Variants in SDCCAG8 observed in about 807,000 individuals in gnomAD.
SDCCAG8 encodes SHH signaling and ciliogenesis regulator SDCCAG8.
A neutral mutation model predicts 101.8 loss-of-function variants in SDCCAG8; 74 were observed. The ratio of observed to expected loss-of-function variants is 0.73; its 90% CI spans 0.60 to 0.88. The LOEUF is 0.88. SDCCAG8 is among the 40% of genes least tolerant of loss of function. The pLI, the probability that SDCCAG8 is intolerant of heterozygous loss-of-function variation, is 0.00. For missense variants in SDCCAG8, 787 were observed against 822.6 expected, an observed-to-expected ratio of 0.96 and a Z score of 0.53; for synonymous variants, 281 against 292.9, an observed-to-expected ratio of 0.96 and a Z score of 0.41.
intron 16 of SDCCAG8, among the ~76,000 whole-genome samples, chr1:243,452,590 T>C (rs1367624222): frequency 6.6e-6 from 1 of 151,504 alleles, no homozygotes; most frequent in Non-Finnish European, 1.5e-5. Context: ...CACCTGGCTA[T>C]ATATATATGT....
chr1:243,492,774 A>C (rs573680359), intron 17 of SDCCAG8, among the ~76,000 whole-genome samples: 49 of 148,444 alleles, frequency 3.3e-4, no homozygotes, highest in Non-Finnish European at 4.0e-4. Context: ...CGCCTGGCTA[A>C]TTTTGTATTT....
At chr1:243,358,599 A>C (rs1245958961) in intron 12 of SDCCAG8, among the ~76,000 whole-genome samples, 1 of 152,210 alleles carries the variant, frequency 6.6e-6, no homozygotes, top group East Asian at 1.9e-4. Flanking sequence ...CAGCAATTCC[A>C]GTCCTGGGTC....
At chr1:243,498,428 G>A (rs866964964) in intron 17 of SDCCAG8, among the ~76,000 whole-genome samples, 1 of 152,166 alleles carries the variant, frequency 6.6e-6, no homozygotes, top group African/African-American at 2.4e-5. Context: ...TGGGAGGGCT[G>A]TGTGCATGGG....
chr1:243,384,437 G>T (rs1375150518), intron 13 of SDCCAG8, among the ~76,000 whole-genome samples: 1 of 152,100 alleles, frequency 6.6e-6, no homozygotes, highest in African/African-American at 2.4e-5. Context: ...ACTATATTAT[G>T]ATTTTGTAAT....
chr1:243,388,071 G>A (rs755127760), intron 13 of SDCCAG8, among the ~76,000 whole-genome samples: 2 of 152,108 alleles, frequency 1.3e-5, no homozygotes, highest in Non-Finnish European at 2.9e-5. Context: ...CTATCCATAC[G>A]AGTCAGGACT....
chr1:243,415,649 G>C (rs2080523223), intron 13 of SDCCAG8, 53 bp from the exon 14 acceptor site: 2 of 1,612,564 alleles, frequency 1.2e-6, no homozygotes, highest in East Asian at 4.5e-5. Flanking sequence ...GACATGATGG[G>C]GGTTTGTGCA....
At chr1:243,305,541 A>G (rs2072011009) in intron 7 of SDCCAG8, 1 of 152,104 alleles carries the variant, frequency 6.6e-6, no homozygotes, top group Non-Finnish European at 1.5e-5. Flanking sequence ...TATAGAATCT[A>G]TTTATTAGAG....
intron 16 of SDCCAG8, chr1:243,476,071 CTCA>C: frequency 1.0e-6 from 1 of 985,428 alleles, no homozygotes; most frequent in Non-Finnish European, 1.2e-6. Context: ...TATCCCAACA[CTCA>C]TCAGTGTGTG....
chr1:243,298,854 T>C (rs1290743176), intron 6 of SDCCAG8, among the ~76,000 whole-genome samples: 1 of 152,240 alleles, frequency 6.6e-6, no homozygotes, highest in Non-Finnish European at 1.5e-5. Context: ...TTGATTGTTA[T>C]AGCCTGAAAT....
intron 12 of SDCCAG8, among the ~76,000 whole-genome samples, chr1:243,365,066 G>A (rs1031757531): frequency 3.3e-5 from 5 of 152,270 alleles, no homozygotes; most frequent in Non-Finnish European, 2.9e-5. Flanking sequence ...CTGAGTTAGC[G>A]TTGTGGCTTG....
chr1:243,349,210 C>T lies in SDCCAG8; in HGVS notation c.1473+4879C>T, dbSNP rs368500108. ...ACTAATATATGTGTATATATCCCCA[C>T]TCACATATACAGACACATATGCATA... On this transcript the variant is annotated intron_variant, in intron 12 of 17. Coordinates refer to ENST00000366541, the MANE Select transcript of SDCCAG8 (RefSeq NM_006642.5). Among the ~76,000 whole-genome samples, 8 of 152,308 alleles carry T rather than the reference C, an allele frequency of 5.3e-5. No homozygotes were observed. The East Asian group carries it at 1.2e-3, about 22-fold the overall frequency.
chr1:243,317,239 A>G (rs2073333739), intron 9 of SDCCAG8, among the ~76,000 whole-genome samples: 1 of 152,242 alleles, frequency 6.6e-6, no homozygotes, highest in African/African-American at 2.4e-5. Flanking sequence ...GACTAAAGAC[A>G]AATGTTTTTC....
intron 1 of SDCCAG8, chr1:243,267,352 T>A (rs1400186102): frequency 4.1e-6 from 1 of 243,564 alleles, no homozygotes; most frequent in African/African-American, 2.3e-5. Context: ...ATCCCAAGAC[T>A]TTTGGAGGCT....
At chr1:243,436,155 C>A (rs1184211457) in intron 16 of SDCCAG8, among the ~76,000 whole-genome samples, 4 of 148,526 alleles carry the variant, frequency 2.7e-5, no homozygotes, top group South Asian at 2.1e-4. Context: ...GATATCATAT[C>A]ATGTTTATCA....
At chr1:243,320,193 A>T (rs1023437580) in intron 9 of SDCCAG8, among the ~76,000 whole-genome samples, 22 of 152,166 alleles carry the variant, frequency 1.4e-4, no homozygotes, top group Non-Finnish European at 2.8e-4. Context: ...CTAAGTACAG[A>T]TCTGAGTTTC....
chr1:243,332,146 A>G (rs1181824585), intron 10 of SDCCAG8, among the ~76,000 whole-genome samples: 1 of 152,182 alleles, frequency 6.6e-6, no homozygotes, highest in Non-Finnish European at 1.5e-5. Flanking sequence ...CGCACTTTCT[A>G]GGAATTTGGA....
In SDCCAG8 at chr1:243,285,820, A is replaced by G. The variant is rs184755575; in HGVS notation, c.421-452A>G. 1.6e-4 allele frequency among the ~76,000 whole-genome samples: 24 copies of G among 152,304 alleles called. No individual in the cohort carries two copies. In the East Asian group the frequency reaches 4.2e-3, roughly 27 times the overall value. On this transcript the variant is annotated intron_variant, in intron 4 of 17. Transcript: ENST00000366541. Reference sequence around the variant, plus strand: ...TACAATTCTCTCTTATTTGGCTACCATTTCATAGATAATCATCACTCCCGT... The same window carrying G: ...TACAATTCTCTCTTATTTGGCTACCGTTTCATAGATAATCATCACTCCCGT...
At chr1:243,354,348 T>C (rs990242435) in intron 12 of SDCCAG8, among the ~76,000 whole-genome samples, 1 of 152,246 alleles carries the variant, frequency 6.6e-6, no homozygotes. Flanking sequence ...CATGACACTT[T>C]TGTTAAGATT....
chr1:243,285,435 C>T (rs1172119579), intron 4 of SDCCAG8, among the ~76,000 whole-genome samples: 1 of 152,164 alleles, frequency 6.6e-6, no homozygotes, highest in Non-Finnish European at 1.5e-5. Flanking sequence ...GTGTTCCAAG[C>T]TCATTACATT....
Sources: gnomAD v4.1 joint callset for allele counts (sites outside exome capture counted in the v4.1 genomes callset) on GRCh38, gnomAD v4.1.1 for gene constraint, MANE v1.5 for transcripts, NCBI Gene and HGNC (gene_info 2026-07-23, HGNC 2026-07-21) for gene names.